ZNF541: variants seen among roughly 807,000 people sequenced by gnomAD.
The protein encoded by ZNF541 is zinc finger protein 541.
Under a neutral mutation model 123.5 loss-of-function variants are expected in ZNF541, and 23 were observed. That is an observed-to-expected ratio of 0.19 (90% confidence interval 0.13 to 0.26). The LOEUF (loss-of-function observed/expected upper bound fraction) is 0.26, where lower values mean the gene tolerates loss of function less well. Ranked by LOEUF, ZNF541 falls within the 10% of genes least tolerant of loss-of-function variation. The pLI, the probability that ZNF541 is intolerant of heterozygous loss-of-function variation, is 1.00. For synonymous variants in ZNF541, 751 were observed against 754.5 expected (o/e 1.00, Z 0.08); for missense variants, 1,612 against 1,789.9 (o/e 0.90, Z 1.79).
intron 8 of ZNF541, 101 bp from the exon 9 acceptor site, chr19:47,538,540 C>A (rs1417470237): frequency 2.3e-6 from 3 of 1,285,958 alleles, no homozygotes; most frequent in African/African-American, 1.5e-5. Context: ...CGGCCAGAGA[C>A]AGGAAACTAG....
chr19:47,571,212 A>G (rs1269928972), intron 2 of ZNF541, among the ~76,000 whole-genome samples: 3 of 151,678 alleles, frequency 2.0e-5, no homozygotes, highest in African/African-American at 4.8e-5. Flanking sequence ...TCCCAGGTTC[A>G]AGCGATTCTC....
At chr19:47,543,998 C>A in intron 5 of ZNF541, 128 bp downstream of exon 5, 2 of 1,238,478 alleles carry the variant, frequency 1.6e-6, no homozygotes, top group Non-Finnish European at 2.2e-6. Flanking sequence ...TCTTTCGGAA[C>A]CTTAATTCCT....
At chr19:47,532,001 C>T in intron 11 of ZNF541, 127 bp downstream of exon 11, 1 of 1,297,484 alleles carries the variant, frequency 7.7e-7, no homozygotes, top group Non-Finnish European at 1.0e-6. Context: ...AGAGCCAGCT[C>T]CCTCCCACGC....
intron 9 of ZNF541, 87 bp from the exon 10 acceptor site, chr19:47,533,059 A>C: frequency 2.3e-6 from 3 of 1,307,190 alleles, no homozygotes; most frequent in Non-Finnish European, 3.2e-6. Flanking sequence ...ACGCAGCTGA[A>C]AGCAGGGTCT....
intron 4 of ZNF541, among the ~76,000 whole-genome samples, chr19:47,548,382 G>A (rs1422956456): frequency 7.1e-6 from 1 of 141,720 alleles, no homozygotes; most frequent in Non-Finnish European, 1.5e-5. Context: ...GGTGAAGGTT[G>A]TAGTGAGCCG....
intron 6 of ZNF541, 94 bp from the exon 7 acceptor site, chr19:47,540,429 T>C: frequency 7.7e-7 from 1 of 1,292,622 alleles, no homozygotes; most frequent in Non-Finnish European, 1.0e-6. Context: ...TGTCTATAAC[T>C]CCAATCCACT....
In ZNF541 at chr19:47,521,921, C is replaced by T. The variant is rs760087394; in HGVS notation, c.3644G>A (p.Gly1215Asp). The T allele has an allele frequency of 3.0e-5, 47 of 1,551,938 alleles. No homozygotes were observed. In the South Asian group the frequency reaches 5.4e-4, roughly 18 times the overall value. ...CCTCTTTTCTAGCCCTGGGGCTCGG[C>T]CACAGTCAAACTTGATCATTTTTTT... is the stretch of plus-strand genomic sequence containing the variant. ...IWKKMIKFDC[G>D]RAPGLEKRVK... The change falls in exon 15 of 17, where the codon GGC (glycine) becomes GAC (aspartate). Residue 1215 changes from glycine (G) to aspartate (D), a missense_variant. Gly to Asp is a moderately conservative substitution (Grantham distance 94). Coordinates refer to ENST00000391901, the MANE Select transcript of ZNF541 (RefSeq NM_001277075.3). The surrounding 1 kb of genome is among the most constrained non-coding windows in gnomAD (Gnocchi z 4.2).
chr19:47,532,113 CA>C lies in ZNF541; in HGVS notation c.3301+14del. On this transcript the variant is annotated intron_variant, in intron 11 of 16. Coordinates refer to ENST00000391901, the MANE Select transcript of ZNF541 (RefSeq NM_001277075.3). Reference sequence around the variant, plus strand: ...AGAAGGGCCCTTAGGAATTTAGCCCCAAAGCCTCAGCCACCTCTATCCTGTG... The same window carrying C: ...AGAAGGGCCCTTAGGAATTTAGCCCCAAGCCTCAGCCACCTCTATCCTGTG... 6.4e-7 allele frequency: 1 copy of C among 1,550,832 alleles called. No homozygotes were observed. The highest frequency in any genetic ancestry group is 8.7e-7 in the Non-Finnish European group (1 of 1,146,526).
chr19:47,546,217 A>AAAC (rs1555774325), intron 4 of ZNF541, among the ~76,000 whole-genome samples: 1 of 151,776 alleles, frequency 6.6e-6, no homozygotes, highest in African/African-American at 2.4e-5. Context: ...AAAAAAAAAA[A>AAAC]AAAAAACCAG....
intron 3 of ZNF541, among the ~76,000 whole-genome samples, chr19:47,550,951 T>A (rs1001301589): frequency 1.3e-5 from 2 of 152,204 alleles, no homozygotes; most frequent in African/African-American, 4.8e-5. Context: ...ATTCTGGCAC[T>A]CACAGGCACT....
In ZNF541 at chr19:47,531,731, T is replaced by C; in HGVS notation, c.3316A>G (p.Asn1106Asp). ...GGCATCACGCTGGAGCATGCCACATTGCAGAGCTCGGTCACTGTTTCCAAG... is the reference window on the plus strand; with the variant it reads ...GGCATCACGCTGGAGCATGCCACATCGCAGAGCTCGGTCACTGTTTCCAAG... ...ETQDRVTELC[N>D]VACSSVMPGG... The change falls in exon 12 of 17, where the codon AAT (asparagine) becomes GAT (aspartate). Residue 1106 changes from asparagine to aspartate, a missense_variant. Physicochemically the swap from Asn to Asp is conservative, Grantham distance 23. Transcript: ENST00000391901. The C allele has an allele frequency of 6.5e-7, 1 of 1,545,548 alleles. No individual in the cohort carries two copies. Among genetic ancestry groups the C allele is most frequent in the South Asian group, 1.2e-5 (1 of 83,776 alleles).
At chr19:47,562,361 T>C (rs186408785) in intron 2 of ZNF541, among the ~76,000 whole-genome samples, 1 of 151,850 alleles carries the variant, frequency 6.6e-6, no homozygotes, top group Non-Finnish European at 1.5e-5. Context: ...CTGGCCAACA[T>C]GGTGAAACGC....
chr19:47,572,430 T>C (rs1301091360), intron 1 of ZNF541, among the ~76,000 whole-genome samples: 1 of 152,034 alleles, frequency 6.6e-6, no homozygotes. Flanking sequence ...AGGGGCACTC[T>C]AGGTGTGAAG....
intron 2 of ZNF541, among the ~76,000 whole-genome samples, chr19:47,563,941 G>A (rs1052488947): frequency 5.9e-5 from 9 of 152,056 alleles, no homozygotes; most frequent in African/African-American, 9.7e-5. Context: ...TCTCCACATC[G>A]GGTATCATAC....
At position 47,521,204 on chromosome 19, in the gene ZNF541, C is replaced by G. The variant is rs746460134; in HGVS notation, c.*20G>C. The G allele has an allele frequency of 1.9e-6, 3 of 1,548,960 alleles. No homozygotes were observed. The highest frequency in any genetic ancestry group is 2.6e-6 in the Non-Finnish European group (3 of 1,145,422). On this transcript the variant is annotated 3_prime_UTR_variant, in exon 17 of 17. Coordinates refer to ENST00000391901, the MANE Select transcript of ZNF541 (RefSeq NM_001277075.3). This position sits in a 1 kb window ranked among gnomAD's most constrained non-coding sequence, Gnocchi z 4.2. ...GAGGGGCAGCACTGGAGGCCCCATT[C>G]GGACTTGCTGCCACGGGAGTCACCA...
intron 14 of ZNF541, among the ~76,000 whole-genome samples, chr19:47,523,176 G>A (rs531491408): frequency 3.1e-4 from 46 of 148,880 alleles, no homozygotes; most frequent in Non-Finnish European, 6.4e-4. Context: ...CTATAGGCGC[G>A]CACCACCATG....
chr19:47,554,454 C>CA (rs1291529848), intron 3 of ZNF541, among the ~76,000 whole-genome samples: 1 of 152,020 alleles, frequency 6.6e-6, no homozygotes, highest in Non-Finnish European at 1.5e-5. Context: ...ACAAAACAAA[C>CA]AAAAAAACCA....
chr19:47,544,401 C>T lies in ZNF541; in HGVS notation c.2128G>A (p.Gly710Arg), dbSNP rs1447142710. The change falls in exon 5 of 17, where the codon GGA becomes AGA. Residue 710 changes from glycine to arginine, a missense_variant. This residue lies in a region of ZNF541 where 1,080 missense variants were observed against 1,013.8 expected (regional missense o/e 1.07). Transcript: ENST00000391901. Reference protein sequence around the residue: ...QTQLGGEEPPGASLPGKQAPA... With the variant: ...QTQLGGEEPPRASLPGKQAPA... ...GCCTGCTTCCCTGGCAGCGAGGCTC[C>T]TGGTGGCTCCTCCCCACCTAACTGG... The T allele has an allele frequency of 7.1e-6, 11 of 1,551,510 alleles. No homozygotes were observed. In the African/African-American group the frequency reaches 1.2e-4, roughly 17 times the overall value.
rs568168796 is a variant in ZNF541, at chr19:47,538,366, G to A, written c.2870C>T (p.Pro957Leu). The A allele has an allele frequency of 1.3e-6, 2 of 1,544,418 alleles. No homozygotes were observed. The highest frequency in any genetic ancestry group is 4.0e-5 in the Admixed American group (2 of 50,088). The change falls in exon 9 of 17, where the codon CCA becomes CTA. Residue 957 changes from proline (P) to leucine (L), a missense_variant. Pro to Leu is a moderately conservative substitution (Grantham distance 98, BLOSUM62 -3). Coordinates refer to ENST00000391901, the MANE Select transcript of ZNF541 (RefSeq NM_001277075.3). ...GCCAGGCTCCCCAGCCGTGGAGGGT[G>A]GGGGCCGCTTCTTCCGCTTTCTCTG... ...SQQRKRKKRPPPSTAGEPGPA... is the reference protein window; with the variant it reads ...SQQRKRKKRPLPSTAGEPGPA...
Sources: allele counts gnomAD v4.1 joint callset (sites outside exome capture counted in the v4.1 genomes callset), GRCh38; gene constraint gnomAD v4.1.1; regional missense constraint gnomAD v4.1.1; non-coding constraint Gnocchi (gnomAD v3.1); transcripts MANE v1.5; gene names NCBI Gene and HGNC (gene_info 2026-07-23, HGNC 2026-07-21).